SCN11A: variants seen among roughly 807,000 people sequenced by gnomAD.
SCN11A encodes sodium channel protein type 11 subunit alpha.
In SCN11A, 122 loss-of-function variants were observed where a neutral mutation model predicts 162.2. The ratio of observed to expected loss-of-function variants is 0.75; its 90% confidence interval spans 0.65 to 0.87. The LOEUF is 0.87. SCN11A is among the 40% of genes least tolerant of loss of function. The probability of loss-of-function intolerance (pLI) is 0.00; values close to 1 mark genes in which losing one functional copy is unlikely to be tolerated. For missense variants in SCN11A, 2,015 were observed against 2,181.6 expected (o/e 0.92, Z 1.52); for synonymous variants, 758 against 751.5 (o/e 1.01, Z -0.14).
intron 7 of SCN11A, among the ~76,000 whole-genome samples, chr3:38,934,526 G>A (rs2066297423): frequency 6.6e-6 from 1 of 152,120 alleles, no homozygotes; most frequent in African/African-American, 2.4e-5. Flanking sequence ...TAAAAGGATG[G>A]AGGAAGATCT....
intron 2 of SCN11A, among the ~76,000 whole-genome samples, chr3:38,975,454 G>A (rs1236564486): frequency 2.0e-5 from 3 of 152,214 alleles, no homozygotes; most frequent in Non-Finnish European, 2.9e-5. Flanking sequence ...AAGCATCTAA[G>A]TTGAGAGAAG....
intron 7 of SCN11A, among the ~76,000 whole-genome samples, chr3:38,933,809 T>C (rs2066283268): frequency 6.6e-6 from 1 of 152,182 alleles, no homozygotes; most frequent in Non-Finnish European, 1.5e-5. Context: ...TGCAGGATAT[T>C]ATCCAGGAGA....
intron 7 of SCN11A, among the ~76,000 whole-genome samples, chr3:38,938,546 ATATATTTTTTTTTTTTTTT>A (rs1441419243): frequency 1.0e-4 from 2 of 19,420 alleles, no homozygotes; most frequent in African/African-American, 6.2e-4. Context: ...ATATATATAT[ATATATTTTTTTTTTTTTTT>A]TTTTTTTTTT....
chr3:38,941,036 A>G (rs1316113460), intron 7 of SCN11A, among the ~76,000 whole-genome samples: 2 of 152,218 alleles, frequency 1.3e-5, no homozygotes, highest in African/African-American at 4.8e-5. Context: ...CCTGCAATGC[A>G]TAAGAATTAT....
At chr3:38,877,118 A>G (rs1484533289) in intron 23 of SCN11A, among the ~76,000 whole-genome samples, 4 of 119,500 alleles carry the variant, frequency 3.3e-5, no homozygotes, top group African/African-American at 1.4e-4. Context: ...TATATACTAT[A>G]TATATGGTGT....
chr3:38,947,704 G>A (rs2066539135), intron 5 of SCN11A, among the ~76,000 whole-genome samples: 1 of 152,200 alleles, frequency 6.6e-6, no homozygotes, highest in Non-Finnish European at 1.5e-5. Context: ...CCTGGGCACT[G>A]GGAATGAAGC....
chr3:38,893,173 C>A (rs1264894646), intron 19 of SCN11A, among the ~76,000 whole-genome samples: 1 of 152,056 alleles, frequency 6.6e-6, no homozygotes, highest in East Asian at 1.9e-4. Context: ...TGGAAAAAGA[C>A]ATGTTATGCA....
Position 38,950,080 on chromosome 3 carries a change from C to G in SCN11A, c.267+16G>C, listed in dbSNP as rs540729482. ...ACACCCCCACCCCCACCCCCCCCCC[C>G]CGCCCAATGAAGTACCTTATGATTT... On this transcript the variant is annotated intron_variant, in intron 5 of 29. Coordinates refer to ENST00000302328, the MANE Select transcript of SCN11A (RefSeq NM_001349253.2). 8.2e-3 allele frequency: 1,648 copies of G among 199,846 alleles called. 34 individuals are homozygous for G. The highest frequency in any genetic ancestry group is 0.012 in the Non-Finnish European group (1,128 of 91,876). The allele number at this position is 199,846 out of a possible 1,614,324, so 12.4% of individuals were successfully genotyped here.
At position 38,883,368 on chromosome 3, in the gene SCN11A, T is replaced by C. The variant is rs1229630590; in HGVS notation, c.3084A>G (p.Pro1028=). Residue 1028 remains proline (P), a synonymous_variant, in exon 22 of 30, where the codon CCA becomes CCG. Coordinates refer to ENST00000302328, the MANE Select transcript of SCN11A (RefSeq NM_001349253.2). The part of the protein sequence containing the change: ...CLPKGFGCCF[P]CCSVDKRKPP... ...GCTTTCTCTTGTCCACGCTACAGCA[T>C]GGAAAGCAGCAACCAAAGCCTGAAA... 2.9e-5 allele frequency: 46 copies of C among 1,613,164 alleles called. No individual in the cohort carries two copies. The highest frequency in any genetic ancestry group is 3.8e-5 in the Non-Finnish European group (45 of 1,179,722).
chr3:38,889,614 A>G (rs1179556388), intron 19 of SCN11A, among the ~76,000 whole-genome samples: 1 of 151,538 alleles, frequency 6.6e-6, no homozygotes, highest in African/African-American at 2.4e-5. Flanking sequence ...CCTGGCTAAC[A>G]TGGTGAAACC....
intron 2 of SCN11A, among the ~76,000 whole-genome samples, chr3:39,027,141 C>T (rs1022281520): frequency 2.6e-5 from 4 of 152,128 alleles, no homozygotes; most frequent in African/African-American, 9.7e-5. Flanking sequence ...GAAGCCCTGG[C>T]CCTAGAAACA....
intron 1 of SCN11A, among the ~76,000 whole-genome samples, chr3:39,050,569 C>T (rs2032317160): frequency 6.6e-6 from 1 of 150,662 alleles, no homozygotes; most frequent in African/African-American, 2.5e-5. Context: ...AATTTTTACT[C>T]ATCTAATTCA....
At chr3:38,915,629 C>G (rs547887540) in intron 11 of SCN11A, among the ~76,000 whole-genome samples, 13 of 151,996 alleles carry the variant, frequency 8.6e-5, no homozygotes, top group African/African-American at 2.9e-4. Context: ...TTTTTTTAGT[C>G]TTTTCTTCTA....
intron 19 of SCN11A, among the ~76,000 whole-genome samples, chr3:38,893,869 C>T (rs2065541121): frequency 6.6e-6 from 1 of 151,658 alleles, no homozygotes; most frequent in Admixed American, 6.6e-5. Context: ...TATAGCTAAA[C>T]ATTGGTTAGA....
intron 2 of SCN11A, among the ~76,000 whole-genome samples, chr3:39,006,728 G>A (rs912240673): frequency 1.3e-5 from 2 of 152,080 alleles, no homozygotes; most frequent in African/African-American, 4.8e-5. Context: ...CTTGAGCCCA[G>A]GGGTTCAAGT....
At chr3:39,043,480 A>T (rs2032107166) in intron 1 of SCN11A, among the ~76,000 whole-genome samples, 1 of 129,638 alleles carries the variant, frequency 7.7e-6, no homozygotes, top group Admixed American at 7.5e-5. Flanking sequence ...AGTACTATAC[A>T]GCCAAAAAAA....
chr3:38,946,632 C>A (rs561463470), intron 6 of SCN11A, among the ~76,000 whole-genome samples, 157 bp downstream of exon 6: 6 of 152,370 alleles, frequency 3.9e-5, no homozygotes, highest in African/African-American at 1.4e-4. Context: ...CGACATCTTG[C>A]TCACATCCAG....
chr3:38,851,239 A>G (rs2064773822), intron 28 of SCN11A, among the ~76,000 whole-genome samples: 1 of 152,234 alleles, frequency 6.6e-6, no homozygotes, highest in South Asian at 2.1e-4. Context: ...AATTCACAAT[A>G]ATCAGAACTT....
At chr3:39,035,452 T>C (rs2031878346) in intron 1 of SCN11A, among the ~76,000 whole-genome samples, 1 of 152,170 alleles carries the variant, frequency 6.6e-6, no homozygotes, top group African/African-American at 2.4e-5. Context: ...CAAATCAAAA[T>C]GGATTAAGGA....
Sources: gnomAD v4.1 joint callset for allele counts (sites outside exome capture counted in the v4.1 genomes callset) on GRCh38, gnomAD v4.1.1 for gene constraint, MANE v1.5 for transcripts, NCBI Gene and HGNC (gene_info 2026-07-23, HGNC 2026-07-21) for gene names.